The following GINM1 variants were observed in gnomAD, a reference collection of about 807,000 sequenced individuals.
GINM1 encodes the protein glycoprotein integral membrane protein 1.
Under a neutral mutation model 37.8 loss-of-function variants are expected in GINM1, and 29 were observed. The ratio of observed to expected loss-of-function variants is 0.77; its 90% CI spans 0.57 to 1.05. GINM1 has a LOEUF of 1.05. Ranked by LOEUF, GINM1 falls within the 50% of genes least tolerant of loss-of-function variation. The pLI is 0.00. For missense variants in GINM1, 377 were observed against 397.9 expected (o/e 0.95, Z 0.45); for synonymous variants, 143 against 146.2 (o/e 0.98, Z 0.16).
intron 3 of GINM1, among the ~76,000 whole-genome samples, chr6:149,576,510 G>A (rs1375850484): frequency 6.6e-6 from 1 of 152,154 alleles, no homozygotes; most frequent in East Asian, 1.9e-4. Context: ...CAGCTATTTG[G>A]GAGGCTAAGG....
At chr6:149,580,240 A>G (rs1338714407) in intron 5 of GINM1, among the ~76,000 whole-genome samples, 1 of 152,216 alleles carries the variant, frequency 6.6e-6, no homozygotes, top group African/African-American at 2.4e-5. Context: ...CTGGTTGCAT[A>G]GTGACATTTT....
At chr6:149,571,303 A>G (rs1046338271) in intron 1 of GINM1, among the ~76,000 whole-genome samples, 1 of 141,130 alleles carries the variant, frequency 7.1e-6, no homozygotes, top group African/African-American at 2.8e-5. Flanking sequence ...ACAGAGCGAG[A>G]CTCCCTCTCA....
Position 149,579,931 on chromosome 6 carries a change from T to G in GINM1, c.527T>G (p.Leu176Arg). Residue 176 changes from leucine to arginine, a missense_variant, in exon 5 of 8, where the codon CTC (leucine) becomes CGC (arginine). Leu to Arg is a moderately radical substitution (Grantham distance 102, BLOSUM62 -2). Transcript: ENST00000367419. ...ACCCTCCCTTTGGAAGAAAGCATGC[T>G]CTACTCTATTTCTCGAGACAGTGAC... is the stretch of plus-strand genomic sequence containing the variant. ...NYTLPLEESM[L>R]YSISRDSDIL... is the part of the protein sequence containing the mutation. 6.2e-7 allele frequency: 1 copy of G among 1,611,068 alleles called. No individual in the cohort carries two copies.
At chr6:149,574,277 C>G (rs1777879334) in intron 3 of GINM1, among the ~76,000 whole-genome samples, 1 of 152,128 alleles carries the variant, frequency 6.6e-6, no homozygotes, top group Non-Finnish European at 1.5e-5. Flanking sequence ...GTCTCGAACT[C>G]CTGACCTCAG....
chr6:149,573,860 G>A (rs2115056970), intron 3 of GINM1, among the ~76,000 whole-genome samples: 1 of 150,802 alleles, frequency 6.6e-6, no homozygotes, highest in South Asian at 2.1e-4. Flanking sequence ...TAGTAAATGG[G>A]ATAGCAAGAG....
chr6:149,579,734 A>C (rs1046027788), intron 4 of GINM1, 100 bp from the exon 5 acceptor site: 1 of 655,560 alleles, frequency 1.5e-6, no homozygotes, highest in Non-Finnish European at 2.5e-6. Flanking sequence ...AATAGGACAC[A>C]TGTTTTAGTT....
intron 1 of GINM1, among the ~76,000 whole-genome samples, chr6:149,568,212 G>A (rs1286620391): frequency 6.6e-6 from 1 of 152,218 alleles, no homozygotes; most frequent in East Asian, 1.9e-4. Context: ...GTTGGGTGTT[G>A]GATGATAAGC....
At chr6:149,577,889 A>G (rs1777938912) in intron 3 of GINM1, among the ~76,000 whole-genome samples, 1 of 152,162 alleles carries the variant, frequency 6.6e-6, no homozygotes, top group South Asian at 2.1e-4. Context: ...TGCAGCTACT[A>G]CACCCCGTTT....
At chr6:149,589,388 T>C (rs551103609) in intron 7 of GINM1, among the ~76,000 whole-genome samples, 2 of 152,208 alleles carry the variant, frequency 1.3e-5, no homozygotes, top group Admixed American at 1.3e-4. Flanking sequence ...TTCTCCTGCC[T>C]CAGCCTCCCG....
In GINM1 at chr6:149,578,985, T is replaced by C; in HGVS notation, c.429+12T>C. The C allele has an allele frequency of 6.8e-7, 1 of 1,463,692 alleles. No individual in the cohort carries two copies. Among genetic ancestry groups the C allele is most frequent in the Non-Finnish European group, 9.4e-7 (1 of 1,059,958 alleles). The allele number at this position is 1,463,692 out of a possible 1,614,324, so 90.7% of individuals were successfully genotyped here. ...TTGATGGAAAACAAGTAAGATAGTA[T>C]GTTTATTAATTGGGAATTAAATGAT... On this transcript the variant is annotated intron_variant, in intron 4 of 7. Transcript: ENST00000367419.
Position 149,566,931 on chromosome 6 carries a change from C to T in GINM1, c.120+397C>T, listed in dbSNP as rs1356562563. Among the ~76,000 whole-genome samples, 4 of 152,236 alleles carry T rather than the reference C, an allele frequency of 2.6e-5. No homozygotes were observed. The highest frequency in any genetic ancestry group is 2.1e-4 in the South Asian group (1 of 4,836). ...GCTCGGGAAGTGTGGAAGTTGCCCA[C>T]TTCGCGCATTTCCAGGCCACTTGTG... On this transcript the variant is annotated intron_variant, in intron 1 of 7. Coordinates refer to ENST00000367419, the MANE Select transcript of GINM1 (RefSeq NM_138785.5). The surrounding 1 kb of genome is among the most constrained non-coding windows in gnomAD (Gnocchi z 4.4).
At chr6:149,582,999 A>AGGAT (rs1016420246) in intron 7 of GINM1, among the ~76,000 whole-genome samples, 2 of 152,196 alleles carry the variant, frequency 1.3e-5, no homozygotes, top group Non-Finnish European at 2.9e-5. Context: ...GTAGACAAGC[A>AGGAT]GGATATTCAT....
chr6:149,582,920 G>A (rs1778022660), intron 7 of GINM1, among the ~76,000 whole-genome samples: 1 of 152,260 alleles, frequency 6.6e-6, no homozygotes, highest in Admixed American at 6.5e-5. Context: ...ATGATCAGAG[G>A]TGAACAAAAC....
At chr6:149,573,424 A>G (rs1157347185) in intron 3 of GINM1, among the ~76,000 whole-genome samples, 2 of 152,224 alleles carry the variant, frequency 1.3e-5, no homozygotes, top group Admixed American at 6.5e-5. Flanking sequence ...ACAAGACCCC[A>G]TCTCTAAAAC....
chr6:149,569,775 A>G (rs749239244), intron 1 of GINM1, among the ~76,000 whole-genome samples: 27 of 152,288 alleles, frequency 1.8e-4, no homozygotes, highest in African/African-American at 4.8e-4. Flanking sequence ...CCAGCTGTCT[A>G]TTACCTTTAT....
At chr6:149,582,400 T>C in intron 6 of GINM1, 40 bp from the exon 7 acceptor site, 1 of 1,534,222 alleles carries the variant, frequency 6.5e-7, no homozygotes, top group South Asian at 1.2e-5. Flanking sequence ...TTCTTAGAGA[T>C]TGATGCAACT....
In GINM1 at chr6:149,579,892, G is replaced by C. The variant is rs1777972638; in HGVS notation, c.488G>C (p.Arg163Thr). 1.9e-6 allele frequency: 3 copies of C among 1,608,048 alleles called. No individual in the cohort carries two copies. Among genetic ancestry groups the C allele is most frequent in the South Asian group, 1.1e-5 (1 of 90,530 alleles). Residue 163 changes from arginine to threonine, a missense_variant, in exon 5 of 8, where the codon AGA becomes ACA. Coordinates refer to ENST00000367419, the MANE Select transcript of GINM1 (RefSeq NM_138785.5). ...TTAGTTAAGAACCGGGGAGTACTCA[G>C]ACATTCAAACTATACCCTCCCTTTG... ...DILVKNRGVL[R>T]HSNYTLPLEE...
intron 3 of GINM1, chr6:149,576,410 T>C (rs1435626280): frequency 3.9e-5 from 6 of 152,158 alleles, no homozygotes; most frequent in Admixed American, 3.9e-4. Context: ...AATAATCTAA[T>C]TGTGGCAGTA....
At chr6:149,586,524 T>C (rs575082198) in intron 7 of GINM1, among the ~76,000 whole-genome samples, 27 of 152,326 alleles carry the variant, frequency 1.8e-4, no homozygotes, top group Non-Finnish European at 1.8e-4. Flanking sequence ...TTTGGAAAGA[T>C]TGACTTCATT....
Sources: gnomAD v4.1 joint callset for allele counts (sites outside exome capture counted in the v4.1 genomes callset) on GRCh38, gnomAD v4.1.1 for gene constraint, Gnocchi (gnomAD v3.1) non-coding constraint, MANE v1.5 for transcripts, NCBI Gene and HGNC (gene_info 2026-07-23, HGNC 2026-07-21) for gene names.